Variants in DCDC1 observed in about 807,000 individuals in gnomAD.
The protein encoded by DCDC1 is doublecortin domain containing 1, also known as doublecortin domain-containing protein 1.
DCDC1 carries 200 observed loss-of-function variants against 178.3 expected under a neutral mutation model. That is an observed-to-expected ratio of 1.12 (90% confidence interval 1.00 to 1.26). The LOEUF is 1.26. Among genes scored for constraint, DCDC1 ranks in the 50% most tolerant of loss-of-function variants. The pLI, the probability that DCDC1 is intolerant of heterozygous loss-of-function variation, is 0.00. For missense variants in DCDC1, 1,983 were observed against 1,749.2 expected, an observed-to-expected ratio of 1.13 and a Z score of -2.38; for synonymous variants, 690 against 604.8, an observed-to-expected ratio of 1.14 and a Z score of -2.07.
intron 9 of DCDC1, among the ~76,000 whole-genome samples, chr11:31,192,967 G>C (rs1970292185): frequency 6.6e-6 from 1 of 152,028 alleles, no homozygotes; most frequent in Non-Finnish European, 1.5e-5. Flanking sequence ...TTCTGGAGCT[G>C]GGACATCCAT....
At chr11:30,983,552 A>AT (rs1161526473) in intron 20 of DCDC1, among the ~76,000 whole-genome samples, 8 of 152,146 alleles carry the variant, frequency 5.3e-5, no homozygotes, top group Admixed American at 2.0e-4. Flanking sequence ...ATCATATTGG[A>AT]TTTTTTCAAA....
Position 31,307,555 on chromosome 11 carries a change from T to C in DCDC1, c.434+84A>G, listed in dbSNP as rs960512008. On this transcript the variant is annotated intron_variant, in intron 4 of 38. Coordinates refer to ENST00000684477, the MANE Select transcript of DCDC1 (RefSeq NM_001387274.1). ...ATGTGTTACATTTTAATGTCTGAGA[T>C]AGTCAATTGAAACATTATAAACTCT... 14 of 1,513,340 alleles carry C rather than the reference T, an allele frequency of 9.3e-6. No homozygotes were observed. In the East Asian group the frequency reaches 1.1e-4, roughly 12 times the overall value. The allele number at this position is 1,513,340 out of a possible 1,614,324, so 93.7% of individuals were successfully genotyped here.
rs1940850622 is a variant in DCDC1, at chr11:30,864,858, A to G, written c.*515T>C. ...GGCTAACAATGCTCTCGATTATGGTATGTCATACTATGAATTTATGGATAT... is the reference window on the plus strand; with the variant it reads ...GGCTAACAATGCTCTCGATTATGGTGTGTCATACTATGAATTTATGGATAT... On this transcript the variant is annotated 3_prime_UTR_variant, in exon 39 of 39. Transcript: ENST00000684477. 6.6e-6 allele frequency: 1 copy of G among 152,196 alleles called. No homozygotes were observed. The highest frequency in any genetic ancestry group is 1.5e-5 in the Non-Finnish European group (1 of 68,032). 9.4% of individuals were successfully genotyped at this position (152,196 alleles called of 1,614,324 possible).
chr11:30,969,980 G>T (rs1183704579), intron 20 of DCDC1, among the ~76,000 whole-genome samples: 1 of 152,114 alleles, frequency 6.6e-6, no homozygotes, highest in Non-Finnish European at 1.5e-5. Flanking sequence ...ACTTCTAATA[G>T]ATCATCTAAG....
intron 8 of DCDC1, among the ~76,000 whole-genome samples, chr11:31,255,392 C>A (rs536086019): frequency 3.3e-5 from 5 of 152,264 alleles, no homozygotes; most frequent in Non-Finnish European, 5.9e-5. Flanking sequence ...TCCAAAGTGG[C>A]TGCACCATTA....
rs542661124 is a variant in DCDC1 at position 31,219,383 on chromosome 11, C to T, written c.1221+22067G>A. 2.6e-5 allele frequency among the ~76,000 whole-genome samples: 4 copies of T among 152,196 alleles called. No homozygotes were observed. The South Asian group carries it at 8.3e-4, about 32-fold the overall frequency. On this transcript the variant is annotated intron_variant, in intron 9 of 38. Transcript: ENST00000684477. ...TTGAGTATCAGAATCAACTCTAGAG[C>T]ATTTTCAATAAACTAGCCCCCTGGT...
chr11:31,062,898 A>AGTT (rs1198912521), intron 20 of DCDC1, among the ~76,000 whole-genome samples: 2 of 148,558 alleles, frequency 1.3e-5, no homozygotes, highest in African/African-American at 5.0e-5. Context: ...TGCACCCATT[A>AGTT]ACTCGTCATT....
chr11:31,090,242 T>C (rs1957734683), intron 17 of DCDC1, among the ~76,000 whole-genome samples: 1 of 152,184 alleles, frequency 6.6e-6, no homozygotes, highest in African/African-American at 2.4e-5. Flanking sequence ...TCAAGTGATG[T>C]ACCCTGCTCA....
At chr11:31,184,258 G>A (rs1017004592) in intron 9 of DCDC1, among the ~76,000 whole-genome samples, 10 of 152,036 alleles carry the variant, frequency 6.6e-5, no homozygotes, top group Non-Finnish European at 1.3e-4. Context: ...AAACTGGACC[G>A]CTTCTTTACA....
intron 21 of DCDC1, among the ~76,000 whole-genome samples, chr11:30,932,878 T>A (rs1479344661): frequency 1.3e-5 from 2 of 152,184 alleles, no homozygotes; most frequent in Non-Finnish European, 2.9e-5. Flanking sequence ...TTTGGGTAAC[T>A]GGGTGGATGG....
At chr11:31,026,426 C>A (rs561877064) in intron 20 of DCDC1, among the ~76,000 whole-genome samples, 1 of 151,714 alleles carries the variant, frequency 6.6e-6, no homozygotes, top group Non-Finnish European at 1.5e-5. Context: ...CGATATTGTG[C>A]GGCTTTTCAA....
intron 9 of DCDC1, among the ~76,000 whole-genome samples, chr11:31,228,898 T>C (rs1230224612): frequency 6.6e-6 from 1 of 152,006 alleles, no homozygotes. Flanking sequence ...GGAGGAATAC[T>C]GGAAGGGGGA....
At chr11:31,219,491 C>T (rs1299893430) in intron 9 of DCDC1, among the ~76,000 whole-genome samples, 2 of 152,078 alleles carry the variant, frequency 1.3e-5, no homozygotes, top group South Asian at 2.1e-4. Flanking sequence ...AAACCCCTTA[C>T]TGTAAGACAG....
intron 7 of DCDC1, among the ~76,000 whole-genome samples, chr11:31,282,775 G>C (rs546824853): frequency 1.3e-5 from 2 of 151,982 alleles, no homozygotes; most frequent in Admixed American, 1.3e-4. Flanking sequence ...TTCATATTCT[G>C]TTTGCCTGAG....
chr11:31,338,435 T>C (rs906409549), intron 1 of DCDC1, among the ~76,000 whole-genome samples: 3 of 152,196 alleles, frequency 2.0e-5, no homozygotes, highest in African/African-American at 7.2e-5. Context: ...AACAGGCATG[T>C]ATGATCAAGA....
At chr11:31,347,878 T>A (rs1950891696) in intron 1 of DCDC1, among the ~76,000 whole-genome samples, 1 of 152,204 alleles carries the variant, frequency 6.6e-6, no homozygotes, top group African/African-American at 2.4e-5. Context: ...CATAGTACCA[T>A]GGGCCAATAT....
chr11:31,173,822 T>C lies in DCDC1; in HGVS notation c.1222-36038A>G, dbSNP rs1164513915. Reference sequence around the variant, plus strand: ...TTGGGTGACAACCCAAAAAAGAAAATTTGGCCAGGTTTTCATCAAGTTAGA... The same window carrying C: ...TTGGGTGACAACCCAAAAAAGAAAACTTGGCCAGGTTTTCATCAAGTTAGA... On this transcript the variant is annotated intron_variant, in intron 9 of 38. Transcript: ENST00000684477. Among the ~76,000 whole-genome samples the C allele has an allele frequency of 4.6e-5, 7 of 151,482 alleles. No individual in the cohort carries two copies. In the South Asian group the frequency reaches 1.3e-3, roughly 27 times the overall value.
chr11:30,943,464 T>G (rs1947801535), intron 21 of DCDC1: 1 of 316,700 alleles, frequency 3.2e-6, no homozygotes, highest in Non-Finnish European at 6.2e-6. Context: ...AATGGATATA[T>G]TTTAATTTAG....
At chr11:31,224,915 TA>T (rs1402040974) in intron 9 of DCDC1, among the ~76,000 whole-genome samples, 1 of 152,180 alleles carries the variant, frequency 6.6e-6, no homozygotes. Context: ...GGTGGTAATG[TA>T]AACTAGTACA....
Sources: gnomAD v4.1 joint callset for allele counts (sites outside exome capture counted in the v4.1 genomes callset) on GRCh38, gnomAD v4.1.1 for gene constraint, MANE v1.5 for transcripts, NCBI Gene and HGNC (gene_info 2026-07-23, HGNC 2026-07-21) for gene names.